The following DNAJC13 variants were observed in gnomAD, a reference collection of about 807,000 sequenced individuals.
DNAJC13 encodes DnaJ heat shock protein family (Hsp40) member C13.
DNAJC13 carries 75 observed loss-of-function variants against 290.5 expected under a neutral mutation model. The observed-to-expected ratio is 0.26, with a 90% CI of 0.21 to 0.31. The LOEUF is 0.31. Ranked by LOEUF, DNAJC13 falls within the 10% of genes least tolerant of loss-of-function variation. DNAJC13 has a pLI of 1.00. For synonymous variants in DNAJC13, 862 were observed against 892.0 expected, an observed-to-expected ratio of 0.97 and a Z score of 0.60; for missense variants, 2,260 against 2,674.5, an observed-to-expected ratio of 0.85 and a Z score of 3.42.
rs148186584 is a variant in DNAJC13 at position 132,453,452 on chromosome 3, C to A, written c.692C>A (p.Ser231Tyr). ...LRFGKYSTDE[S>Y]ITSLAEFVVQ... ...TTTGGAAAATACAGCACTGATGAAT[C>A]CATCACATCTTTAGCAGAGTTTGTA... The change falls in exon 7 of 56, where the codon TCC (serine) becomes TAC (tyrosine). Residue 231 changes from serine (S) to tyrosine (Y), a missense_variant. By Grantham distance (144) the Ser-to-Tyr change is moderately radical (BLOSUM62 -2). Transcript: ENST00000260818. The A allele has an allele frequency of 4.3e-6, 7 of 1,613,820 alleles. No individual in the cohort carries two copies. The highest frequency in any genetic ancestry group is 5.9e-6 in the Non-Finnish European group (7 of 1,179,918).
intron 31 of DNAJC13, 28 bp from the exon 32 acceptor site, chr3:132,490,869 C>A: frequency 6.7e-7 from 1 of 1,487,980 alleles, no homozygotes; most frequent in South Asian, 1.4e-5. Flanking sequence ...GTGTTTTTGA[C>A]TACCTTTTGT....
intron 1 of DNAJC13, among the ~76,000 whole-genome samples, chr3:132,419,921 AT>A (rs1938905677): frequency 6.6e-6 from 1 of 152,224 alleles, no homozygotes; most frequent in African/African-American, 2.4e-5. Context: ...TTTATAAATA[AT>A]GTAACTACCT....
In DNAJC13 at chr3:132,482,109, G is replaced by A. The variant is rs151082178; in HGVS notation, c.2875-117G>A. 133 of 677,998 alleles carry A rather than the reference G, an allele frequency of 2.0e-4. No homozygotes were observed. In the African/African-American group the frequency reaches 2.3e-3, roughly 12 times the overall value. The allele number at this position is 677,998 out of a possible 1,614,324, so 42.0% of individuals were successfully genotyped here. A position where few individuals can be genotyped will look rare whatever the true frequency, so the allele number is the denominator to read the frequency against. ...AAAATAAGGTCACTTAAACTTTCAG[G>A]TTAACTTTTAAAGGGATATAAACCC... On this transcript the variant is annotated intron_variant, in intron 26 of 55. Transcript: ENST00000260818.
chr3:132,529,601 C>T (rs984381953), intron 54 of DNAJC13, among the ~76,000 whole-genome samples: 8 of 152,100 alleles, frequency 5.3e-5, no homozygotes, highest in Non-Finnish European at 1.2e-4. Context: ...TCTTGGCTAA[C>T]ACGGTGAAAC....
intron 48 of DNAJC13, among the ~76,000 whole-genome samples, chr3:132,520,266 G>T (rs535687917): frequency 3.3e-5 from 5 of 152,228 alleles, no homozygotes; most frequent in Non-Finnish European, 5.9e-5. Context: ...GGATGTGGCT[G>T]TGTTCAAACA....
intron 2 of DNAJC13, among the ~76,000 whole-genome samples, chr3:132,438,946 C>A (rs1047066421): frequency 6.6e-6 from 1 of 152,042 alleles, no homozygotes; most frequent in African/African-American, 2.4e-5. Flanking sequence ...CTGTTTTGGC[C>A]TAAGTAAGCC....
intron 14 of DNAJC13, 71 bp downstream of exon 14, chr3:132,460,428 C>T (rs144593896): frequency 6.6e-6 from 7 of 1,060,942 alleles, no homozygotes; most frequent in African/African-American, 6.5e-5. Context: ...AGAAGTGCCA[C>T]GTGGATGATT....
At chr3:132,423,510 A>G (rs1184950415) in intron 1 of DNAJC13, among the ~76,000 whole-genome samples, 1 of 152,208 alleles carries the variant, frequency 6.6e-6, no homozygotes, top group Non-Finnish European at 1.5e-5. Flanking sequence ...TGTATTTTGA[A>G]TGTTTATCAA....
At chr3:132,448,265 G>A (rs184768221) in intron 5 of DNAJC13, among the ~76,000 whole-genome samples, 1 of 152,272 alleles carries the variant, frequency 6.6e-6, no homozygotes, top group East Asian at 1.9e-4. Flanking sequence ...TGCTGATAGT[G>A]CATGTTGGAA....
Position 132,496,597 on chromosome 3 carries a change from C to T in DNAJC13, c.4090C>T (p.Pro1364Ser), listed in dbSNP as rs1289917570. The T allele has an allele frequency of 6.2e-7, 1 of 1,611,122 alleles. No individual in the cohort carries two copies. The highest frequency in any genetic ancestry group is 1.3e-5 in the African/African-American group (1 of 74,912). Reference protein sequence around the residue: ...CTKSAKIVDGPDPENIILILK... With the variant: ...CTKSAKIVDGSDPENIILILK... ...CAAATCAGCAAAAATAGTGGATGGG[C>T]CAGATCCAGAGAATATAATTTTAAT... The change falls in exon 36 of 56, where the codon CCA becomes TCA. Residue 1364 changes from proline (P) to serine (S), a missense_variant. Pro to Ser is a moderately conservative substitution (Grantham distance 74, BLOSUM62 -1). Transcript: ENST00000260818.
chr3:132,520,962 A>G (rs1936070738), intron 48 of DNAJC13, among the ~76,000 whole-genome samples: 1 of 152,226 alleles, frequency 6.6e-6, no homozygotes, highest in Admixed American at 6.5e-5. Flanking sequence ...GTTAGTTATT[A>G]GGAGTTCTTT....
intron 20 of DNAJC13, among the ~76,000 whole-genome samples, chr3:132,471,749 C>T (rs938407039): frequency 3.7e-5 from 5 of 133,690 alleles, no homozygotes; most frequent in African/African-American, 1.3e-4. Flanking sequence ...GGAGACGCTC[C>T]TCACTTTCCA....
At chr3:132,532,803 C>G (rs1184207332) in intron 55 of DNAJC13, among the ~76,000 whole-genome samples, 1 of 144,798 alleles carries the variant, frequency 6.9e-6, no homozygotes, top group Non-Finnish European at 1.5e-5. Flanking sequence ...AGTGGTGCGA[C>G]CTCAGCTCAC....
intron 2 of DNAJC13, among the ~76,000 whole-genome samples, chr3:132,436,210 A>G (rs972162207): frequency 6.6e-6 from 1 of 152,184 alleles, no homozygotes; most frequent in Non-Finnish European, 1.5e-5. Flanking sequence ...ACAAATCAGC[A>G]GTTAACTCCC....
At chr3:132,462,927 T>C (rs1395580207) in intron 16 of DNAJC13, among the ~76,000 whole-genome samples, 1 of 152,238 alleles carries the variant, frequency 6.6e-6, no homozygotes, top group East Asian at 1.9e-4. Context: ...CAAAAAGTTC[T>C]TGATAAAGCA....
intron 41 of DNAJC13, among the ~76,000 whole-genome samples, chr3:132,503,693 G>A (rs915047079): frequency 1.3e-5 from 2 of 152,130 alleles, no homozygotes; most frequent in African/African-American, 4.8e-5. Context: ...GCAGACTACT[G>A]GGAGACAGGA....
At chr3:132,527,734 C>T (rs1230065011) in intron 53 of DNAJC13, among the ~76,000 whole-genome samples, 1 of 152,124 alleles carries the variant, frequency 6.6e-6, no homozygotes. Flanking sequence ...GATTATTATT[C>T]AGCTTTTATT....
At chr3:132,479,311 A>G (rs533645690) in intron 25 of DNAJC13, 22 bp downstream of exon 25, 3 of 1,497,250 alleles carry the variant, frequency 2.0e-6, no homozygotes, top group African/African-American at 2.8e-5. Flanking sequence ...TCGCATACAT[A>G]CATTGTTATT....
intron 26 of DNAJC13, 88 bp from the exon 27 acceptor site, chr3:132,482,138 C>A: frequency 9.6e-7 from 1 of 1,038,504 alleles, no homozygotes; most frequent in Non-Finnish European, 1.4e-6. Context: ...TAAACCCCTC[C>A]AAAGTACTGC....
Sources: allele counts gnomAD v4.1 joint callset (sites outside exome capture counted in the v4.1 genomes callset), GRCh38; gene constraint gnomAD v4.1.1; transcripts MANE v1.5; gene names NCBI Gene and HGNC (gene_info 2026-07-23, HGNC 2026-07-21).